USP35: variants seen among roughly 807,000 people sequenced by gnomAD.
USP35 encodes the protein ubiquitin specific peptidase 35.
A neutral mutation model predicts 83.8 loss-of-function variants in USP35; 69 were observed. The ratio of observed to expected loss-of-function variants is 0.82; its 90% CI spans 0.68 to 1.01. USP35 has a LOEUF of 1.01. USP35 is among the 50% of genes least tolerant of loss of function. The pLI, the probability that USP35 is intolerant of heterozygous loss-of-function variation, is 0.00. For missense variants in USP35, 1,503 were observed against 1,362.5 expected, an observed-to-expected ratio of 1.10 and a Z score of -1.62; for synonymous variants, 714 against 589.5, an observed-to-expected ratio of 1.21 and a Z score of -3.06.
rs1240180125 is a variant in USP35 at position 78,199,628 on chromosome 11, G to A, written c.840G>A (p.Lys280=). The change falls in exon 4 of 11, where the codon AAG becomes AAA. Residue 280 remains lysine, a synonymous_variant. Coordinates refer to ENST00000529308, the MANE Select transcript of USP35 (RefSeq NM_020798.4). ...MIDWVSWPLG[K]NIDKWIIALL... ...ACTGGGTGTCCTGGCCCCTGGGGAA[G>A]AATATTGACAAGTGGATCATTGCAC... 13 of 1,614,068 alleles carry A rather than the reference G, an allele frequency of 8.1e-6. No individual in the cohort carries two copies. The highest frequency in any genetic ancestry group is 1.1e-5 in the Non-Finnish European group (13 of 1,180,020).
At chr11:78,208,778 C>T (rs1863615088) in intron 8 of USP35, 79 bp from the exon 9 acceptor site, 2 of 1,493,132 alleles carry the variant, frequency 1.3e-6, no homozygotes, top group East Asian at 4.5e-5. Context: ...TGAGGTAGAC[C>T]CTCAGGCCTA....
intron 3 of USP35, 135 bp from the exon 4 acceptor site, chr11:78,199,460 A>G: frequency 1.5e-6 from 2 of 1,360,550 alleles, no homozygotes; most frequent in South Asian, 2.7e-5. Flanking sequence ...GGTTCAGCCC[A>G]CAGACCCCGG....
Position 78,213,676 on chromosome 11 carries a change from G to GCCTACATCTCTGCACTCCCCACA in USP35, c.2921_2943dup (p.Ser982ProfsTer53), listed in dbSNP as rs760631669. ...GGAGAAGGAGGCCCGGAGCAGGGCG[G>GCCTACATCTCTGCACTCCCCACA]CCTACATCTCTGCACTCCCCACATC... On this transcript the variant is annotated frameshift_variant, in exon 11 of 11. Transcript: ENST00000529308. LOFTEE classifies it high-confidence loss of function. 4.1e-5 allele frequency: 62 copies of GCCTACATCTCTGCACTCCCCACA among 1,511,208 alleles called. No individual in the cohort carries two copies. The highest frequency in any genetic ancestry group is 5.3e-5 in the Non-Finnish European group (60 of 1,137,794). The allele number at this position is 1,511,208 out of a possible 1,614,324, so 93.6% of individuals were successfully genotyped here. A position where few individuals can be genotyped will look rare whatever the true frequency, so the allele number is the denominator to read the frequency against.
At chr11:78,222,317 GGAAACT>G in the USP35 span, 1 of 676,676 alleles carries the variant, frequency 1.5e-6, no homozygotes, top group Non-Finnish European at 2.7e-6. Context: ...TTTCACACAG[GGAAACT>G]GACGCTCAGC....
At chr11:78,236,572 C>T in the USP35 span, among the ~76,000 whole-genome samples, 1 of 152,182 alleles carries the variant, frequency 6.6e-6, no homozygotes, top group African/African-American at 2.4e-5. Context: ...TTCAATATTT[C>T]TCCATTAGGT....
At chr11:78,231,390 C>T in the USP35 span, among the ~76,000 whole-genome samples, 1 of 143,366 alleles carries the variant, frequency 7.0e-6, no homozygotes, top group Admixed American at 7.0e-5. Flanking sequence ...ATTCTGTCTC[C>T]CAGGCTGGAG....
chr11:78,236,094 C>T, the USP35 span, among the ~76,000 whole-genome samples: 1 of 152,172 alleles, frequency 6.6e-6, no homozygotes, highest in African/African-American at 2.4e-5. Context: ...ACATCACTCT[C>T]CATATTTAGG....
the USP35 span, among the ~76,000 whole-genome samples, chr11:78,225,955 TGG>T: frequency 6.6e-6 from 1 of 152,220 alleles, no homozygotes; most frequent in African/African-American, 2.4e-5. Flanking sequence ...ATACTCTCAG[TGG>T]AAAACAAGTA....
intron 10 of USP35, among the ~76,000 whole-genome samples, chr11:78,212,932 C>T (rs777082619): frequency 8.5e-5 from 13 of 152,104 alleles, no homozygotes; most frequent in African/African-American, 1.4e-4. Flanking sequence ...GGGGGTCCCA[C>T]TACCCACGTG....
chr11:78,193,490 C>T (rs558768201), intron 1 of USP35, among the ~76,000 whole-genome samples: 5 of 151,980 alleles, frequency 3.3e-5, no homozygotes, highest in Non-Finnish European at 5.9e-5. Context: ...CAGACATGAG[C>T]CACTGTGCCC....
At chr11:78,208,771 G>A in intron 8 of USP35, 86 bp from the exon 9 acceptor site, 1 of 1,437,222 alleles carries the variant, frequency 7.0e-7, no homozygotes, top group East Asian at 2.3e-5. Flanking sequence ...GAGGGAATGA[G>A]GTAGACCCTC....
intron 6 of USP35, among the ~76,000 whole-genome samples, chr11:78,203,747 T>G (rs1863435566): frequency 6.7e-6 from 1 of 149,292 alleles, no homozygotes; most frequent in South Asian, 2.1e-4. Context: ...CCTGGCTAAT[T>G]TTTCGTATTT....
chr11:78,199,530 G>A, intron 3 of USP35, 65 bp from the exon 4 acceptor site: 1 of 1,608,506 alleles, frequency 6.2e-7, no homozygotes, highest in Non-Finnish European at 8.5e-7. Flanking sequence ...ATAGCCCCTG[G>A]GCTGCCCTCA....
intron 5 of USP35, 44 bp downstream of exon 5, chr11:78,200,278 T>G (rs1212870341): frequency 6.4e-7 from 1 of 1,574,302 alleles, no homozygotes; most frequent in African/African-American, 1.3e-5. Context: ...CCCTGCCTGC[T>G]GCCCCTGGTA....
chr11:78,221,974 C>T, the USP35 span: 34 of 722,668 alleles, frequency 4.7e-5, no homozygotes, highest in East Asian at 4.9e-4. Flanking sequence ...CACAAGACAT[C>T]GAGACATGAT....
Position 78,205,928 on chromosome 11 carries a change from C to G in USP35, c.1284C>G (p.Phe428Leu). 6.2e-7 allele frequency: 1 copy of G among 1,614,282 alleles called. No homozygotes were observed. The highest frequency in any genetic ancestry group is 8.5e-7 in the Non-Finnish European group (1 of 1,180,052). The stretch of plus-strand genomic sequence containing the variant: ...CGCAGAAGAGCGAGCTGGCGGGTTT[C>G]TATCCCCGGCTCATGGCCAAGTCAG... ...WTSQKSELAG[F>L]YPRLMAKSDT... The change falls in exon 7 of 11, where the codon TTC becomes TTG. Residue 428 changes from phenylalanine (F) to leucine (L), a missense_variant. Physicochemically the swap from Phe to Leu is conservative, Grantham distance 22. Coordinates refer to ENST00000529308, the MANE Select transcript of USP35 (RefSeq NM_020798.4).
chr11:78,219,765 G>T (rs966095648), downstream of USP35, among the ~76,000 whole-genome samples: 1 of 152,180 alleles, frequency 6.6e-6, no homozygotes, highest in African/African-American at 2.4e-5. Context: ...GAAGGAATTT[G>T]CTAGGTGCAA....
At chr11:78,218,911 T>G, downstream of USP35, 1 of 201,938 alleles carries the variant, frequency 5.0e-6, no homozygotes, top group Non-Finnish European at 1.0e-5. Context: ...GAACGTGAGG[T>G]GTGGAATCTG....
Position 78,196,273 on chromosome 11 carries a change from ACGT to A in USP35, c.33_35del (p.Ser12del), listed in dbSNP as rs1392570388. 3 of 1,595,298 alleles carry A rather than the reference ACGT, an allele frequency of 1.9e-6. No homozygotes were observed. The African/African-American group carries it at 4.0e-5, about 21-fold the overall frequency. On this transcript the variant is annotated inframe_deletion, in exon 2 of 11. Transcript: ENST00000529308. This position sits in a 1 kb window ranked among gnomAD's most constrained non-coding sequence, Gnocchi z 4.8. ...GGACAAGATCTTGGAGGCGGTGGTG[ACGT>A]CGTCATACCCGGTCAGCGTGAAGCA...
Sources: gnomAD v4.1 joint callset for allele counts (sites outside exome capture counted in the v4.1 genomes callset) on GRCh38, gnomAD v4.1.1 for gene constraint, Gnocchi (gnomAD v3.1) non-coding constraint, MANE v1.5 for transcripts, NCBI Gene and HGNC (gene_info 2026-07-23, HGNC 2026-07-21) for gene names.